The following RCBTB2 variants were observed in gnomAD, a reference collection of about 807,000 sequenced individuals.
The protein encoded by RCBTB2 is RCC1 and BTB domain-containing protein 2.
Under a neutral mutation model 65.4 loss-of-function variants are expected in RCBTB2, and 55 were observed. That is an observed-to-expected ratio of 0.84 (90% CI 0.68 to 1.05). The LOEUF (loss-of-function observed/expected upper bound fraction) is 1.05, where lower values mean the gene tolerates loss of function less well. Ranked by LOEUF, RCBTB2 falls within the 50% of genes least tolerant of loss-of-function variation. The pLI is 0.00. For missense variants in RCBTB2, 599 were observed against 680.1 expected (o/e 0.88, Z 1.33); for synonymous variants, 220 against 255.2 (o/e 0.86, Z 1.31).
At chr13:48,518,472 A>AAAATATATATATATATAT (rs1491137365) in intron 4 of RCBTB2, among the ~76,000 whole-genome samples, 3 of 116,590 alleles carry the variant, frequency 2.6e-5, no homozygotes, top group African/African-American at 1.1e-4. Context: ...AAAAAAAAAA[A>AAAATATATATATATATAT]ATATATATAT....
intron 1 of RCBTB2, among the ~76,000 whole-genome samples, chr13:48,527,371 T>TATATATATATATCATATATATATATG (rs1566337752): frequency 1.4e-5 from 2 of 138,734 alleles, no homozygotes; most frequent in African/African-American, 5.9e-5. Flanking sequence ...TTATATATGA[T>TATATATATATATCATATATATATATG]ATATATATAT....
At position 48,515,588 on chromosome 13, in the gene RCBTB2, C is replaced by A. The variant is rs1951038928; in HGVS notation, c.196G>T (p.Glu66Ter). 7 of 1,588,432 alleles carry A rather than the reference C, an allele frequency of 4.4e-6. No homozygotes were observed. The highest frequency in any genetic ancestry group is 6.0e-6 in the Non-Finnish European group (7 of 1,171,968). ...NEVLYTTVND[E>*]IFVLGTNCCG... ...TGATTTATTTTCTTCAAAATTACCTCATCATTTACTGTAGTGTATAAAACT... is the reference window on the plus strand; with the variant it reads ...TGATTTATTTTCTTCAAAATTACCTAATCATTTACTGTAGTGTATAAAACT... The change falls in exon 5 of 15, where the codon GAG becomes TAG. Residue 66 changes from glutamate (E) to a stop codon, truncating the protein, a stop_gained and splice_region_variant. Transcript: ENST00000344532. LOFTEE classifies it high-confidence loss of function.
chr13:48,526,263 G>A (rs1951725897), intron 1 of RCBTB2, among the ~76,000 whole-genome samples: 1 of 152,026 alleles, frequency 6.6e-6, no homozygotes, highest in South Asian at 2.1e-4. Context: ...AATACCCTAG[G>A]AAGGCCAGGC....
chr13:48,507,562 A>G (rs1950567890), intron 10 of RCBTB2, among the ~76,000 whole-genome samples: 1 of 152,238 alleles, frequency 6.6e-6, no homozygotes, highest in South Asian at 2.1e-4. Flanking sequence ...CTTATTGGCT[A>G]TGAAGTACTA....
At chr13:48,499,294 C>G (rs576251405) in intron 13 of RCBTB2, among the ~76,000 whole-genome samples, 1 of 152,304 alleles carries the variant, frequency 6.6e-6, no homozygotes, top group South Asian at 2.1e-4. Flanking sequence ...TTGACTGACT[C>G]AGGCCCACAG....
intron 10 of RCBTB2, among the ~76,000 whole-genome samples, chr13:48,509,967 T>C (rs9332006): frequency 0.011 from 1,698 of 152,314 alleles, 24 homozygotes; most frequent in African/African-American, 0.039. Flanking sequence ...TCTACACTAC[T>C]ATCAGGAAAT....
chr13:48,511,936 T>A, intron 8 of RCBTB2, 59 bp from the exon 9 acceptor site: 2 of 1,608,692 alleles, frequency 1.2e-6, no homozygotes, highest in Non-Finnish European at 1.7e-6. Context: ...AAGCTGTCTG[T>A]TATGTGGGAC....
chr13:48,532,363 C>T (rs1230654193), intron 1 of RCBTB2: 1 of 152,392 alleles, frequency 6.6e-6, no homozygotes, highest in Non-Finnish European at 1.5e-5. Context: ...CGCGCTATTC[C>T]TGGACATCAG....
upstream of RCBTB2, chr13:48,533,223 C>T (rs1228266956): frequency 1.8e-5 from 6 of 338,130 alleles, no homozygotes; most frequent in African/African-American, 1.1e-4. Context: ...GCGTCTCGCC[C>T]CTCCTCTCCT....
chr13:48,512,706 A>C, intron 7 of RCBTB2, 23 bp downstream of exon 7: 2 of 1,597,992 alleles, frequency 1.3e-6, no homozygotes, highest in Non-Finnish European at 1.7e-6. Context: ...AAAATCAATG[A>C]GCTTTATGCT....
intron 13 of RCBTB2, among the ~76,000 whole-genome samples, chr13:48,498,040 C>G (rs933255269): frequency 3.3e-5 from 5 of 152,204 alleles, no homozygotes; most frequent in Non-Finnish European, 7.3e-5. Flanking sequence ...GCATAATTGG[C>G]CTTGAGGCCA....
intron 1 of RCBTB2, among the ~76,000 whole-genome samples, chr13:48,530,917 T>C (rs1247791630): frequency 6.6e-6 from 1 of 152,176 alleles, no homozygotes; most frequent in Non-Finnish European, 1.5e-5. Context: ...TAGAGCACGA[T>C]AAAGAACGTT....
In RCBTB2 at chr13:48,527,343, T is replaced by TATATATATC. The variant is rs1566337063; in HGVS notation, c.-218-2587_-218-2586insGATATATAT. Among the ~76,000 whole-genome samples the TATATATATC allele has an allele frequency of 2.8e-3, 354 of 125,308 alleles. 8 individuals carry two copies. Among genetic ancestry groups the TATATATATC allele is most frequent in the African/African-American group, 0.014 (299 of 20,634 alleles). The allele number at this position is 125,308 out of a possible 152,430, so 82.2% of individuals were successfully genotyped here. ...CTCATATATATATATATATGATATA[T>TATATATATC]ATATATATGATATATATTTATATAT... On this transcript the variant is annotated intron_variant, in intron 1 of 14. Coordinates refer to ENST00000344532, the MANE Select transcript of RCBTB2 (RefSeq NM_001268.4).
intron 14 of RCBTB2, among the ~76,000 whole-genome samples, chr13:48,490,821 A>G (rs184777282): frequency 1.1e-4 from 16 of 152,352 alleles, no homozygotes; most frequent in African/African-American, 3.4e-4. Flanking sequence ...AATAATCTCA[A>G]CTGGGAAAAT....
Position 48,512,017 on chromosome 13 carries a change from T to TC in RCBTB2, c.673dup (p.Glu225GlyfsTer51). ...CAAGATGTAAAATAACTTCCTTACC[T>TC]CCCCCGTGTCTACTACTGCCATGCA... On this transcript the variant is annotated frameshift_variant and splice_region_variant, in exon 8 of 15. Transcript: ENST00000344532. LOFTEE classifies it high-confidence loss of function. The TC allele has an allele frequency of 6.2e-7, 1 of 1,612,984 alleles. No homozygotes were observed. Among genetic ancestry groups the TC allele is most frequent in the Non-Finnish European group, 8.5e-7 (1 of 1,179,140 alleles).
In RCBTB2 at chr13:48,511,981, C is replaced by T. The variant is rs6561450; in HGVS notation, c.675+35G>A. The T allele has an allele frequency of 2.0e-3, 3,271 of 1,608,482 alleles. 56 individuals carry two copies. In the African/African-American group the frequency reaches 0.039, roughly 19 times the overall value. On this transcript the variant is annotated intron_variant, in intron 8 of 14. Transcript: ENST00000344532. ...TGGCATGAGACTGATGTGGCAAACA[C>T]GGTTTTTAAACAAGATGTAAAATAA... is the stretch of plus-strand genomic sequence containing the variant.
At chr13:48,527,292 T>A (rs1362119289) in intron 1 of RCBTB2, among the ~76,000 whole-genome samples, 1 of 141,258 alleles carries the variant, frequency 7.1e-6, no homozygotes, top group Non-Finnish European at 1.5e-5. Flanking sequence ...TTCCCTTATA[T>A]GTTTGTTTTG....
At chr13:48,530,214 T>C (rs1952034810) in intron 1 of RCBTB2, among the ~76,000 whole-genome samples, 1 of 152,158 alleles carries the variant, frequency 6.6e-6, no homozygotes, top group Admixed American at 6.5e-5. Context: ...TTGTAGTAAT[T>C]TAAATCCAAG....
chr13:48,504,974 GA>G (rs1381777000), intron 10 of RCBTB2, among the ~76,000 whole-genome samples: 1 of 151,290 alleles, frequency 6.6e-6, no homozygotes, highest in African/African-American at 2.4e-5. Flanking sequence ...AATACTAGAG[GA>G]AAAAAAGGCT....
Sources: allele counts gnomAD v4.1 joint callset (sites outside exome capture counted in the v4.1 genomes callset), GRCh38; gene constraint gnomAD v4.1.1; transcripts MANE v1.5; gene names NCBI Gene and HGNC (gene_info 2026-07-23, HGNC 2026-07-21).